Variants in NR2C1 observed in about 807,000 individuals in gnomAD.
NR2C1 encodes the protein nuclear receptor subfamily 2 group C member 1, also known as TR2 nuclear hormone receptor.
Under a neutral mutation model 74.8 loss-of-function variants are expected in NR2C1, and 33 were observed. The ratio of observed to expected loss-of-function variants is 0.44; its 90% CI spans 0.33 to 0.59. The LOEUF (loss-of-function observed/expected upper bound fraction) is 0.59, where lower values mean the gene tolerates loss of function less well. Among genes scored for constraint, NR2C1 ranks in the 20% least tolerant of loss-of-function variants. The pLI is 0.02. For synonymous variants in NR2C1, 225 were observed against 240.6 expected (o/e 0.94, Z 0.60); for missense variants, 568 against 715.6 (o/e 0.79, Z 2.35).
At chr12:95,072,141 C>T (rs1876734647) in intron 1 of NR2C1, among the ~76,000 whole-genome samples, 1 of 146,416 alleles carries the variant, frequency 6.8e-6, no homozygotes, top group Admixed American at 6.8e-5. Flanking sequence ...CGGCCGGGCG[C>T]GGTGGCTCAC....
rs1007586160 is a variant in NR2C1, at chr12:95,058,216, A to C, written c.544+94T>G. 3.4e-5 allele frequency: 38 copies of C among 1,129,086 alleles called. No homozygotes were observed. The Admixed American group carries it at 7.3e-4, about 22-fold the overall frequency. The allele number at this position is 1,129,086 out of a possible 1,614,324, so 69.9% of individuals were successfully genotyped here. A position where few individuals can be genotyped will look rare whatever the true frequency, so the allele number is the denominator to read the frequency against. On this transcript the variant is annotated intron_variant, in intron 5 of 13. Coordinates refer to ENST00000333003, the MANE Select transcript of NR2C1 (RefSeq NM_003297.4). Reference sequence around the variant, plus strand: ...TTAGTTGGAAAACTGTAAACTAAAAAGTATACATATTTGACATATTTTGTT... The same window carrying C: ...TTAGTTGGAAAACTGTAAACTAAAACGTATACATATTTGACATATTTTGTT...
At position 95,059,895 on chromosome 12, in the gene NR2C1, C is replaced by T. The variant is rs754627909; in HGVS notation, c.364+11G>A. Reference sequence around the variant, plus strand: ...TTTTTTCTGTTTTTAGGAGGTTATTCTTAATGTTACCTGATGCTTTGTCTC... The same window carrying T: ...TTTTTTCTGTTTTTAGGAGGTTATTTTTAATGTTACCTGATGCTTTGTCTC... On this transcript the variant is annotated intron_variant, in intron 4 of 13. Transcript: ENST00000333003. The T allele has an allele frequency of 1.5e-5, 23 of 1,543,528 alleles. No individual in the cohort carries two copies. Among genetic ancestry groups the T allele is most frequent in the Non-Finnish European group, 2.0e-5 (23 of 1,151,712 alleles).
intron 10 of NR2C1, among the ~76,000 whole-genome samples, chr12:95,035,333 A>C (rs1217139952): frequency 6.6e-6 from 1 of 152,204 alleles, no homozygotes; most frequent in Non-Finnish European, 1.5e-5. Flanking sequence ...AAACATTAAA[A>C]AAAATTAAAA....
intron 8 of NR2C1, among the ~76,000 whole-genome samples, chr12:95,050,650 G>GA (rs1272561832): frequency 4.0e-5 from 6 of 151,290 alleles, no homozygotes; most frequent in Non-Finnish European, 7.4e-5. Context: ...TTCCTTTAGA[G>GA]ATGGGGTCTA....
chr12:95,059,702 C>A (rs1282190388), intron 4 of NR2C1, among the ~76,000 whole-genome samples: 1 of 152,078 alleles, frequency 6.6e-6, no homozygotes, highest in African/African-American at 2.4e-5. Context: ...CAGTGAGACT[C>A]TATATCACAA....
rs180809327 is a variant in NR2C1 at position 95,062,758 on chromosome 12, T to C, written c.55-20A>G. ...AACAATCTAACAAAATCATGAAAAATAATCAATGAAACTCAATAATTTTTC... is the reference window on the plus strand; with the variant it reads ...AACAATCTAACAAAATCATGAAAAACAATCAATGAAACTCAATAATTTTTC... On this transcript the variant is annotated intron_variant, in intron 2 of 13. Transcript: ENST00000333003. 5 of 1,572,308 alleles carry C rather than the reference T, an allele frequency of 3.2e-6. No homozygotes were observed. The highest frequency in any genetic ancestry group is 4.4e-6 in the Non-Finnish European group (5 of 1,142,428).
intron 7 of NR2C1, among the ~76,000 whole-genome samples, chr12:95,052,210 C>T (rs553192730): frequency 4.7e-5 from 7 of 150,310 alleles, no homozygotes; most frequent in African/African-American, 7.3e-5. Flanking sequence ...GGCTGGAGTG[C>T]CGTGGCATGA....
At chr12:95,037,446 A>T (rs1870982785) in intron 10 of NR2C1, among the ~76,000 whole-genome samples, 1 of 152,258 alleles carries the variant, frequency 6.6e-6, no homozygotes, top group African/African-American at 2.4e-5. Flanking sequence ...ATACAAAGGT[A>T]CTAACCATGC....
chr12:95,069,790 G>GCATGCATC (rs1382341261), intron 1 of NR2C1, among the ~76,000 whole-genome samples: 19 of 151,922 alleles, frequency 1.3e-4, no homozygotes, highest in African/African-American at 4.6e-4. Flanking sequence ...ATGCATCCAT[G>GCATGCATC]CATGCATCCA....
In NR2C1 at chr12:95,056,686, T is replaced by C. The variant is rs577303771; in HGVS notation, c.783+867A>G. On this transcript the variant is annotated intron_variant, in intron 7 of 13. Transcript: ENST00000333003. The stretch of plus-strand genomic sequence containing the variant: ...ATATTAAGAATTGTACGGCTGGGCG[T>C]GCTGGCTCACGCCTGTAATCCCAGC... Among the ~76,000 whole-genome samples, 48 of 152,286 alleles carry C rather than the reference T, an allele frequency of 3.2e-4. No homozygotes were observed. The South Asian group carries it at 6.6e-3, about 21-fold the overall frequency.
At chr12:95,072,090 A>G (rs1876723408) in intron 1 of NR2C1, among the ~76,000 whole-genome samples, 1 of 150,742 alleles carries the variant, frequency 6.6e-6, no homozygotes, top group Non-Finnish European at 1.5e-5. Context: ...GCTTTTTCAG[A>G]TATACTAACT....
At chr12:95,041,469 G>A (rs1871525206) in intron 9 of NR2C1, among the ~76,000 whole-genome samples, 1 of 151,934 alleles carries the variant, frequency 6.6e-6, no homozygotes, top group Non-Finnish European at 1.5e-5. Flanking sequence ...GCAACAGAGT[G>A]AGACTCCATC....
chr12:95,032,888 G>C (rs1269238765), intron 10 of NR2C1, among the ~76,000 whole-genome samples: 2 of 152,062 alleles, frequency 1.3e-5, no homozygotes, highest in Admixed American at 1.3e-4. Flanking sequence ...GATCACCTAA[G>C]CCTGGGGAAG....
At chr12:95,043,225 A>G (rs886921247) in intron 9 of NR2C1, among the ~76,000 whole-genome samples, 2 of 151,286 alleles carry the variant, frequency 1.3e-5, no homozygotes, top group Non-Finnish European at 3.0e-5. Context: ...TGTGCCACTG[A>G]ACTCCAGCCT....
rs895679508 is a variant in NR2C1, at chr12:95,073,556, A to T, written c.-184T>A. ...TGTTTGGGTATTTCTGGGGGGTCAG[A>T]GTTCGTGACCTCTTTCTCGGCTCGG... On this transcript the variant is annotated 5_prime_UTR_variant, in exon 1 of 14. Coordinates refer to ENST00000333003, the MANE Select transcript of NR2C1 (RefSeq NM_003297.4). 4 of 152,250 alleles carry T rather than the reference A, an allele frequency of 2.6e-5. No individual in the cohort carries two copies. The highest frequency in any genetic ancestry group is 9.6e-5 in the African/African-American group (4 of 41,464). The allele number at this position is 152,250 out of a possible 1,614,324, so 9.4% of individuals were successfully genotyped here. A position where few individuals can be genotyped will look rare whatever the true frequency, so the allele number is the denominator to read the frequency against.
chr12:95,043,117 T>C (rs1871812058), intron 9 of NR2C1, among the ~76,000 whole-genome samples: 1 of 151,960 alleles, frequency 6.6e-6, no homozygotes, highest in Non-Finnish European at 1.5e-5. Flanking sequence ...AAAAATTAGC[T>C]GGACATGGTG....
intron 3 of NR2C1, 24 bp from the exon 4 acceptor site, chr12:95,060,008 G>C: frequency 2.2e-6 from 2 of 905,608 alleles, no homozygotes; most frequent in Non-Finnish European, 3.1e-6. Flanking sequence ...AAAAAAAAAA[G>C]AAAACAAAAA....
At chr12:95,067,080 C>T in intron 2 of NR2C1, 2 of 499,602 alleles carry the variant, frequency 4.0e-6, no homozygotes, top group Non-Finnish European at 7.0e-6. Context: ...AATTTCTTTC[C>T]TTCCTTCCTT....
At chr12:95,030,533 A>G (rs1869948591) in intron 11 of NR2C1, 1 of 1,607,438 alleles carries the variant, frequency 6.2e-7, no homozygotes. Context: ...CATATAAGAC[A>G]TGAACCAGGG....
Sources: allele counts gnomAD v4.1 joint callset (sites outside exome capture counted in the v4.1 genomes callset), GRCh38; gene constraint gnomAD v4.1.1; transcripts MANE v1.5; gene names NCBI Gene and HGNC (gene_info 2026-07-23, HGNC 2026-07-21).